The following LCN12 variants were observed in gnomAD, a reference collection of about 807,000 sequenced individuals.
The protein encoded by LCN12 is lipocalin 12.
In LCN12, 15 loss-of-function variants were observed where a neutral mutation model predicts 23.7. That is an observed-to-expected ratio of 0.63 (90% confidence interval 0.42 to 0.97). The LOEUF (loss-of-function observed/expected upper bound fraction) is 0.97, where lower values mean the gene tolerates loss of function less well. Ranked by LOEUF, LCN12 falls within the 50% of genes least tolerant of loss-of-function variation. The pLI is 0.00. For missense variants in LCN12, 219 were observed against 249.6 expected, an observed-to-expected ratio of 0.88 and a Z score of 0.83; for synonymous variants, 116 against 111.5, an observed-to-expected ratio of 1.04 and a Z score of -0.25.
chr9:136,954,414 C>CTGGGTTGAGCA, intron 5 of LCN12, 159 bp downstream of exon 5: 1 of 912,246 alleles, frequency 1.1e-6, no homozygotes, highest in Non-Finnish European at 1.7e-6. Context: ...TGTGCTCAAC[C>CTGGGTTGAGCA]CAGGCTCTGA....
chr9:136,956,110 C>A (rs560948722), downstream of LCN12, among the ~76,000 whole-genome samples: 1 of 152,188 alleles, frequency 6.6e-6, no homozygotes, highest in South Asian at 2.1e-4. Flanking sequence ...TGTATTCGGA[C>A]GCCCACCCCC....
upstream of LCN12, chr9:136,952,186 C>A: frequency 1.5e-6 from 1 of 672,760 alleles, no homozygotes; most frequent in South Asian, 1.7e-5. Context: ...ACCTCTCCTG[C>A]CAGTCCTGAG....
Position 136,953,960 on chromosome 9 carries a change from G to T in LCN12, c.444G>T (p.Leu148=). 6.2e-7 allele frequency: 1 copy of T among 1,608,752 alleles called. No homozygotes were observed. Among genetic ancestry groups the T allele is most frequent in the Non-Finnish European group, 8.5e-7 (1 of 1,179,618 alleles). Residue 148 remains leucine (L), a synonymous_variant, in exon 4 of 6, where the codon CTG becomes CTT. Transcript: ENST00000371633. The stretch of plus-strand genomic sequence containing the variant: ...GGCTGGCCGTCCTCAGGATCAGCCT[G>T]CTGGGTGAGCCTCCCACCCCGTCCT... The part of the protein sequence containing the change: ...TSRLAVLRIS[L]LGRSWLLPPG...
At chr9:136,955,666 T>C (rs1488531906), downstream of LCN12, among the ~76,000 whole-genome samples, 5 of 152,210 alleles carry the variant, frequency 3.3e-5, no homozygotes, top group Admixed American at 2.6e-4. Context: ...TGCACATGTA[T>C]GTTCATGCAT....
rs1278433169 is a variant in LCN12, at chr9:136,955,368, C to T, written c.551-3C>T. 5 of 1,613,058 alleles carry T rather than the reference C, an allele frequency of 3.1e-6. No individual in the cohort carries two copies. The highest frequency in any genetic ancestry group is 1.3e-5 in the African/African-American group (1 of 74,884). ...TCCATCCCGACTCCATCTCCCCCAC[C>T]AGGCTGGTCACCCCAGGCCAGCGTC... On this transcript the variant is annotated splice_polypyrimidine_tract_variant and splice_region_variant and intron_variant, in intron 5 of 5. Coordinates refer to ENST00000371633, the MANE Select transcript of LCN12 (RefSeq NM_178536.4).
At chr9:136,952,679 C>A in intron 1 of LCN12, 1 of 642,838 alleles carries the variant, frequency 1.6e-6, no homozygotes, top group Non-Finnish European at 2.7e-6. Flanking sequence ...GAAACAGGCT[C>A]GGGAAGGCCG....
chr9:136,953,281 G>C (rs940706499), intron 2 of LCN12, among the ~76,000 whole-genome samples: 4 of 151,616 alleles, frequency 2.6e-5, no homozygotes. Context: ...AGCACTTCCG[G>C]GGCTGGGCGC....
At chr9:136,952,497 G>T in intron 1 of LCN12, 56 bp downstream of exon 1, 1 of 1,257,048 alleles carries the variant, frequency 8.0e-7, no homozygotes, top group South Asian at 1.3e-5. Context: ...TGCAGGGAGA[G>T]GCTGGTGGCT....
At chr9:136,955,563 C>T (rs770996639), downstream of LCN12, 75 of 658,066 alleles carry the variant, frequency 1.1e-4, no homozygotes, top group Admixed American at 1.9e-3. Flanking sequence ...GACCGCTGAC[C>T]CTGCAGGGCT....
At chr9:136,955,572 C>A, downstream of LCN12, 1 of 610,694 alleles carries the variant, frequency 1.6e-6, no homozygotes, top group Non-Finnish European at 2.8e-6. Context: ...CCCTGCAGGG[C>A]TGCAACAGCT....
At chr9:136,955,239 C>T (rs974860527) in intron 5 of LCN12, 132 bp from the exon 6 acceptor site, 4 of 1,482,654 alleles carry the variant, frequency 2.7e-6, no homozygotes, top group African/African-American at 1.4e-5. Flanking sequence ...AGACCCACTG[C>T]TGGTCCCCTT....
chr9:136,955,160 C>T, intron 5 of LCN12: 1 of 1,417,208 alleles, frequency 7.1e-7, no homozygotes. Flanking sequence ...GGACCTGGGG[C>T]TGTTGGGAGC....
At chr9:136,954,418 G>A in intron 5 of LCN12, 163 bp downstream of exon 5, 1 of 881,446 alleles carries the variant, frequency 1.1e-6, no homozygotes. Flanking sequence ...CTCAACCCAG[G>A]CTCTGAGCCA....
chr9:136,953,480 A>G, intron 2 of LCN12: 1 of 543,624 alleles, frequency 1.8e-6, no homozygotes, highest in South Asian at 2.1e-5. Flanking sequence ...GCACACCTGT[A>G]ATCCCAGTAC....
chr9:136,954,650 C>A, intron 5 of LCN12: 1 of 1,167,940 alleles, frequency 8.6e-7, no homozygotes, highest in Non-Finnish European at 1.1e-6. Flanking sequence ...CATCTCCTCC[C>A]TCTGGGTCCC....
chr9:136,950,551 A>C (rs1451473878), upstream of LCN12, among the ~76,000 whole-genome samples: 24 of 152,064 alleles, frequency 1.6e-4, no homozygotes, highest in Non-Finnish European at 2.2e-4. Flanking sequence ...TGTGATCCCA[A>C]ATCTCCCCAG....
chr9:136,952,856 G>GCCCCCCCCC, intron 1 of LCN12, 36 bp from the exon 2 acceptor site: 1 of 1,517,108 alleles, frequency 6.6e-7, no homozygotes, highest in Non-Finnish European at 9.1e-7. Context: ...TGCCACCCCT[G>GCCCCCCCCC]CCCACCGCCG....
chr9:136,954,690 A>ACCAGG, intron 5 of LCN12: 1 of 1,286,004 alleles, frequency 7.8e-7, no homozygotes, highest in Non-Finnish European at 1.0e-6. Flanking sequence ...CCCCTCACCC[A>ACCAGG]TCCCTGCTCA....
upstream of LCN12, among the ~76,000 whole-genome samples, chr9:136,950,505 C>T (rs1411027541): frequency 6.6e-6 from 1 of 152,188 alleles, no homozygotes; most frequent in Non-Finnish European, 1.5e-5. Flanking sequence ...TGGGCGGGGT[C>T]CGTAGCGGGG....
Sources: gnomAD v4.1 joint callset for allele counts (sites outside exome capture counted in the v4.1 genomes callset) on GRCh38, gnomAD v4.1.1 for gene constraint, MANE v1.5 for transcripts, NCBI Gene and HGNC (gene_info 2026-07-23, HGNC 2026-07-21) for gene names.